The following RBM19 variants were observed in gnomAD, a reference collection of about 807,000 sequenced individuals.
RBM19 encodes the protein RNA binding motif protein 19.
In RBM19, 94 loss-of-function variants were observed where a neutral mutation model predicts 116.8. The observed-to-expected ratio is 0.80, with a 90% confidence interval of 0.68 to 0.95. The LOEUF is 0.95. Among genes scored for constraint, RBM19 ranks in the 40% least tolerant of loss-of-function variants. RBM19 has a pLI of 0.00. For missense variants in RBM19, 1,161 were observed against 1,220.7 expected (o/e 0.95, Z 0.73); for synonymous variants, 475 against 494.1 (o/e 0.96, Z 0.51).
At chr12:113,887,546 A>G in intron 21 of RBM19, among the ~76,000 whole-genome samples, 1 of 23,112 alleles carries the variant, frequency 4.3e-5, no homozygotes, top group East Asian at 1.3e-3. Flanking sequence ...CTGAGGCAGG[A>G]GAATCGCTTA....
intron 21 of RBM19, among the ~76,000 whole-genome samples, chr12:113,889,225 T>A (rs926019032): frequency 6.6e-6 from 1 of 152,126 alleles, no homozygotes; most frequent in Non-Finnish European, 1.5e-5. Flanking sequence ...ACCCTTCAGG[T>A]TGCAACAACC....
intron 21 of RBM19, among the ~76,000 whole-genome samples, chr12:113,863,418 G>C (rs11610486): frequency 1.3e-5 from 2 of 152,282 alleles, no homozygotes; most frequent in Non-Finnish European, 2.9e-5. Context: ...AGGAAGGCTG[G>C]AGCAGAGGAA....
intron 22 of RBM19, among the ~76,000 whole-genome samples, chr12:113,853,302 G>A (rs1009138941): frequency 6.6e-6 from 1 of 152,166 alleles, no homozygotes; most frequent in Non-Finnish European, 1.5e-5. Flanking sequence ...GCCTGCCAAC[G>A]CCAACCACCA....
chr12:113,915,085 C>T lies in RBM19; in HGVS notation c.2442G>A (p.Lys814=). ...LEVRISERAT[K]PAVTLARKKQ... ...TCTTCCGAGCCAATGTCACGGCTGGCCTGGAGTGGTGGGGGGAGAGGGTCC... is the reference window on the plus strand; with the variant it reads ...TCTTCCGAGCCAATGTCACGGCTGGTCTGGAGTGGTGGGGGGAGAGGGTCC... Residue 814 remains lysine, a splice_region_variant and synonymous_variant, in exon 21 of 24, where the codon AAG becomes AAA. Transcript: ENST00000261741. The T allele has an allele frequency of 6.2e-7, 1 of 1,613,690 alleles. No individual in the cohort carries two copies. Among genetic ancestry groups the T allele is most frequent in the African/African-American group, 1.3e-5 (1 of 75,024 alleles).
downstream of RBM19, among the ~76,000 whole-genome samples, chr12:113,818,875 C>G (rs1428586857): frequency 6.6e-6 from 1 of 152,222 alleles, no homozygotes; most frequent in Non-Finnish European, 1.5e-5. Context: ...TGTCTGACCA[C>G]CCATCTCCCT....
intron 21 of RBM19, among the ~76,000 whole-genome samples, chr12:113,911,775 T>A (rs942976472): frequency 6.6e-5 from 10 of 152,074 alleles, no homozygotes; most frequent in Non-Finnish European, 1.5e-4. Context: ...CCCAGAAACA[T>A]GAGGCACTGC....
At chr12:113,863,197 C>G (rs1878529366) in intron 21 of RBM19, among the ~76,000 whole-genome samples, 1 of 132,884 alleles carries the variant, frequency 7.5e-6, no homozygotes, top group South Asian at 2.7e-4. Context: ...TGAAGGCAGA[C>G]ACAATACGTG....
chr12:113,930,095 C>A lies in RBM19; in HGVS notation c.2069-2866G>T, dbSNP rs140780806. On this transcript the variant is annotated intron_variant, in intron 16 of 23. Coordinates refer to ENST00000261741, the MANE Select transcript of RBM19 (RefSeq NM_016196.4). The stretch of plus-strand genomic sequence containing the variant: ...AAATCCCATGGTTTTTAAATCTTGG[C>A]AACTTAATGGCAAGTGACTTTTGAA... Among the ~76,000 whole-genome samples the A allele has an allele frequency of 5.3e-5, 8 of 152,344 alleles. No individual in the cohort carries two copies. The East Asian group carries it at 1.5e-3, about 29-fold the overall frequency.
In RBM19 at chr12:113,825,149, G is replaced by C. The variant is rs1391683395; in HGVS notation, c.2786-1828C>G. ...GCACACTGCCTGGTGCCTAGCAAGT[G>C]CTTGTGAAATATCCCAGAAAGGGGA... On this transcript the variant is annotated intron_variant, in intron 23 of 23. Transcript: ENST00000261741. This position sits in a 1 kb window ranked among gnomAD's most constrained non-coding sequence, Gnocchi z 5.7. 6.6e-6 allele frequency among the ~76,000 whole-genome samples: 1 copy of C among 152,250 alleles called. No homozygotes were observed. The highest frequency in any genetic ancestry group is 1.5e-5 in the Non-Finnish European group (1 of 68,054).
chr12:113,930,835 C>T (rs1321008805), intron 16 of RBM19, among the ~76,000 whole-genome samples: 8 of 152,084 alleles, frequency 5.3e-5, no homozygotes, highest in East Asian at 1.9e-4. Flanking sequence ...AGAGATCTGC[C>T]GGAGAAGGGG....
intron 15 of RBM19, 41 bp downstream of exon 15, chr12:113,939,919 G>T: frequency 6.2e-7 from 1 of 1,600,188 alleles, no homozygotes. Flanking sequence ...AGCCCTCACT[G>T]GTCCTTCTCC....
intron 7 of RBM19, 83 bp downstream of exon 7, chr12:113,955,048 C>A: frequency 7.3e-7 from 1 of 1,362,676 alleles, no homozygotes; most frequent in Admixed American, 1.7e-5. Context: ...TCTAATGCCC[C>A]CATGCACCAA....
intron 23 of RBM19, among the ~76,000 whole-genome samples, chr12:113,826,799 A>G (rs1170354342): frequency 6.6e-6 from 1 of 152,234 alleles, no homozygotes; most frequent in Non-Finnish European, 1.5e-5. Context: ...AAAGGTGTTG[A>G]CTTCGTGTCT....
chr12:113,875,506 G>T (rs3782448), intron 21 of RBM19, among the ~76,000 whole-genome samples: 35,254 of 152,134 alleles, frequency 0.23, 4,348 homozygotes, highest in Middle Eastern at 0.33. Context: ...GGTTCCTGGT[G>T]GTGATAGGAA....
intron 22 of RBM19, among the ~76,000 whole-genome samples, chr12:113,857,767 G>T (rs763369896): frequency 1.3e-5 from 2 of 152,224 alleles, no homozygotes; most frequent in Non-Finnish European, 2.9e-5. Context: ...GCCCACAAAG[G>T]CCACAGCTGT....
intron 22 of RBM19, among the ~76,000 whole-genome samples, chr12:113,853,008 T>C (rs1877580071): frequency 6.6e-6 from 1 of 152,230 alleles, no homozygotes; most frequent in Non-Finnish European, 1.5e-5. Context: ...ATGAGCTTTG[T>C]CCGGCTCGCT....
intron 21 of RBM19, among the ~76,000 whole-genome samples, chr12:113,893,342 C>A (rs1371673591): frequency 1.3e-5 from 2 of 152,078 alleles, no homozygotes; most frequent in African/African-American, 4.8e-5. Context: ...TAGTGACATG[C>A]TGTTCTTGAA....
At chr12:113,958,156 C>G in intron 5 of RBM19, 106 bp from the exon 6 acceptor site, 1 of 1,505,428 alleles carries the variant, frequency 6.6e-7, no homozygotes, top group Non-Finnish European at 8.8e-7. Flanking sequence ...AGGCACCATG[C>G]CCACCGTGTC....
intron 6 of RBM19, 138 bp from the exon 7 acceptor site, chr12:113,955,349 T>G: frequency 1.2e-6 from 1 of 802,864 alleles, no homozygotes; most frequent in Admixed American, 2.0e-5. Flanking sequence ...GAAGAATCAA[T>G]GTCCACCGTG....
Sources: allele counts gnomAD v4.1 joint callset (sites outside exome capture counted in the v4.1 genomes callset), GRCh38; gene constraint gnomAD v4.1.1; non-coding constraint Gnocchi (gnomAD v3.1); transcripts MANE v1.5; gene names NCBI Gene and HGNC (gene_info 2026-07-23, HGNC 2026-07-21).